The following FAM20C variants were observed in gnomAD, a reference collection of about 807,000 sequenced individuals.
FAM20C encodes extracellular serine/threonine protein kinase FAM20C.
Under a neutral mutation model 51.5 loss-of-function variants are expected in FAM20C, and 40 were observed. The observed-to-expected ratio is 0.78, with a 90% CI of 0.60 to 1.01. FAM20C has a LOEUF of 1.01. Among genes scored for constraint, FAM20C ranks in the 50% least tolerant of loss-of-function variants. FAM20C has a pLI of 0.00. For missense variants in FAM20C, 861 were observed against 844.7 expected (o/e 1.02, Z -0.24); for synonymous variants, 406 against 380.6 (o/e 1.07, Z -0.78).
intron 2 of FAM20C, among the ~76,000 whole-genome samples, chr7:197,740 ACCG>A: frequency 6.6e-6 from 1 of 152,110 alleles, no homozygotes; most frequent in East Asian, 1.9e-4. Flanking sequence ...CACCTCCCTC[ACCG>A]ACCGGTCAGC....
Position 246,366 on chromosome 7 carries a change from G to T in FAM20C, c.864-49G>T, listed in dbSNP as rs1339701997. 4.7e-6 allele frequency: 7 copies of T among 1,482,352 alleles called. No homozygotes were observed. In the South Asian group the frequency reaches 7.2e-5, roughly 15 times the overall value. 91.8% of individuals were successfully genotyped at this position (1,482,352 alleles called of 1,614,324 possible). A position where few individuals can be genotyped will look rare whatever the true frequency, so the allele number is the denominator to read the frequency against. On this transcript the variant is annotated intron_variant, in intron 3 of 9. Coordinates refer to ENST00000313766, the MANE Select transcript of FAM20C (RefSeq NM_020223.4). ...ACGTCCCGCCTGCCTCCGGCCCCTG[G>T]AGGCTTTCTCAGTGACAAACCGTTT... is the stretch of plus-strand genomic sequence containing the variant.
At chr7:193,934 A>G in intron 1 of FAM20C, 130 bp downstream of exon 1, 1 of 1,335,030 alleles carries the variant, frequency 7.5e-7, no homozygotes, top group Non-Finnish European at 9.8e-7. Context: ...GTGCGGGAGG[A>G]GGCAGCCGCC....
chr7:208,997 G>A (rs748989016), intron 3 of FAM20C, 21 bp downstream of exon 3: 1 of 1,566,382 alleles, frequency 6.4e-7, no homozygotes, highest in Non-Finnish European at 8.7e-7. Flanking sequence ...AGGCCTGTGG[G>A]CTGGGGCGTG....
At chr7:252,300 C>T (rs1788430563) in intron 5 of FAM20C, among the ~76,000 whole-genome samples, 1 of 145,372 alleles carries the variant, frequency 6.9e-6, no homozygotes, top group Non-Finnish European at 1.5e-5. Context: ...ACCCCCTCGG[C>T]CTCCCGACCA....
intron 3 of FAM20C, chr7:229,338 C>A (rs971412151): frequency 5.5e-6 from 1 of 180,866 alleles, no homozygotes; most frequent in African/African-American, 2.3e-5. Flanking sequence ...TCCGGTCCTT[C>A]CTGGGCCCTG....
At chr7:258,212 GACTGGGGTGCTGGAGATGGGTGGGGTGGA>G in intron 8 of FAM20C, among the ~76,000 whole-genome samples, 3 of 142,660 alleles carry the variant, frequency 2.1e-5, no homozygotes, top group Non-Finnish European at 3.0e-5. Flanking sequence ...TGGACCCACT[GACTGGGGTGCTGGAGATGGGTGGGGTGGA>G]CCCACTGCCT....
chr7:212,703 G>A lies in FAM20C; in HGVS notation c.863+3727G>A, dbSNP rs1027624073. On this transcript the variant is annotated intron_variant, in intron 3 of 9. Transcript: ENST00000313766. The stretch of plus-strand genomic sequence containing the variant: ...TTTAGGGTCTCCGTTTCTAATAGTC[G>A]CTGAAAAGCACGTAGCCGGCACATC... Among the ~76,000 whole-genome samples the A allele has an allele frequency of 5.9e-5, 9 of 152,298 alleles. No homozygotes were observed. The East Asian group carries it at 1.3e-3, about 23-fold the overall frequency.
At chr7:255,729 G>T in intron 5 of FAM20C, 120 bp from the exon 6 acceptor site, 1 of 1,060,940 alleles carries the variant, frequency 9.4e-7, no homozygotes, top group Non-Finnish European at 1.4e-6. Flanking sequence ...GGGAACTGTG[G>T]GTGAGTCCTG....
chr7:211,507 AG>A (rs149598392), intron 3 of FAM20C, among the ~76,000 whole-genome samples: 19,063 of 151,448 alleles, frequency 0.13, 1,515 homozygotes, highest in African/African-American at 0.22. Context: ...CTGACCTTAG[AG>A]GTCAGGGGAC....
In FAM20C at chr7:223,996, G is replaced by T. The variant is rs575733259; in HGVS notation, c.863+15020G>T. Among the ~76,000 whole-genome samples the T allele has an allele frequency of 2.2e-4, 33 of 152,214 alleles. 1 individual carries two copies. In the South Asian group the frequency reaches 6.4e-3, roughly 30 times the overall value. On this transcript the variant is annotated intron_variant, in intron 3 of 9. Transcript: ENST00000313766. ...CGTCCTGTGTCTGCCCCGGGCTCCC[G>T]GCCCGCCAGCACCATCACGGGGGTC...
At chr7:198,806 G>A (rs1786004578) in intron 2 of FAM20C, among the ~76,000 whole-genome samples, 1 of 152,184 alleles carries the variant, frequency 6.6e-6, no homozygotes, top group Non-Finnish European at 1.5e-5. Context: ...TGGGGTCTTT[G>A]TACAGCAGCA....
Position 193,361 on chromosome 7 carries a change from G to C in FAM20C, c.162G>C (p.Glu54Asp). ...PGCSCAQPAA[E>D]VAAPGWAQVR... ...GTTCGTGCGCGCAGCCCGCCGCCGA[G>C]GTGGCCGCGCCCGGCTGGGCCCAGG... The change falls in exon 1 of 10, where the codon GAG becomes GAC. Residue 54 changes from glutamate to aspartate, a missense_variant. By Grantham distance (45) the Glu-to-Asp change is conservative. Coordinates refer to ENST00000313766, the MANE Select transcript of FAM20C (RefSeq NM_020223.4). 7.9e-7 allele frequency: 1 copy of C among 1,267,736 alleles called. No homozygotes were observed. Among genetic ancestry groups the C allele is most frequent in the African/African-American group, 1.6e-5 (1 of 63,188 alleles). The allele number at this position is 1,267,736 out of a possible 1,614,324, so 78.5% of individuals were successfully genotyped here.
At position 195,676 on chromosome 7, in the gene FAM20C, A is replaced by T; in HGVS notation, c.728A>T (p.Asn243Ile). 6.2e-6 allele frequency: 10 copies of T among 1,610,386 alleles called. No individual in the cohort carries two copies. Among genetic ancestry groups the T allele is most frequent in the Non-Finnish European group, 8.5e-6 (10 of 1,178,326 alleles). ...INRYELYSRH[N>I]PAIEALLHDL... is the part of the protein sequence containing the mutation. ...CGGTACGAGCTGTACTCCAGACACA[A>T]CCCGGCCATCGAGGCCCTGCTGCAC... The change falls in exon 2 of 10, where the codon AAC (asparagine) becomes ATC (isoleucine). Residue 243 changes from asparagine to isoleucine, a missense_variant. Physicochemically the swap from Asn to Ile is moderately radical, Grantham distance 149. This residue lies in a region of FAM20C where 561 missense variants were observed against 499.8 expected (regional missense o/e 1.12). Transcript: ENST00000313766.
At chr7:205,272 C>T (rs890963485) in intron 2 of FAM20C, among the ~76,000 whole-genome samples, 121 of 134,828 alleles carry the variant, frequency 9.0e-4, no homozygotes, top group African/African-American at 3.8e-3. Flanking sequence ...CGTCAGCCTC[C>T]CGAGTAGCCG....
At chr7:213,880 G>A (rs1357820026) in intron 3 of FAM20C, among the ~76,000 whole-genome samples, 1 of 152,112 alleles carries the variant, frequency 6.6e-6, no homozygotes, top group African/African-American at 2.4e-5. Context: ...GGGGGGTTTT[G>A]TGGTGGTTTT....
chr7:231,130 C>T (rs1393630547), intron 3 of FAM20C, among the ~76,000 whole-genome samples: 2 of 152,074 alleles, frequency 1.3e-5, no homozygotes, highest in African/African-American at 4.8e-5. Context: ...CCCAGCAGGA[C>T]CCTCCCATCC....
chr7:227,607 C>T (rs986181171), intron 3 of FAM20C: 2 of 151,998 alleles, frequency 1.3e-5, no homozygotes, highest in Non-Finnish European at 2.9e-5. Flanking sequence ...GGAAGCATCA[C>T]AAGGGTTTCA....
At position 209,329 on chromosome 7, in the gene FAM20C, G is replaced by A. The variant is rs1342763911; in HGVS notation, c.863+353G>A. Among the ~76,000 whole-genome samples, 6 of 152,152 alleles carry A rather than the reference G, an allele frequency of 3.9e-5. No homozygotes were observed. In the East Asian group the frequency reaches 9.6e-4, roughly 24 times the overall value. On this transcript the variant is annotated intron_variant, in intron 3 of 9. Transcript: ENST00000313766. ...GTCCGCACCTTCCCAGCAGGCCTCC[G>A]GAGCCCGCACACCTTTGCTACAAAG...
At chr7:210,495 G>A (rs563830260) in intron 3 of FAM20C, among the ~76,000 whole-genome samples, 1 of 152,176 alleles carries the variant, frequency 6.6e-6, no homozygotes, top group African/African-American at 2.4e-5. Context: ...CCTTCCGCTG[G>A]CAGTAATGGG....
Sources: gnomAD v4.1 joint callset for allele counts (sites outside exome capture counted in the v4.1 genomes callset) on GRCh38, gnomAD v4.1.1 for gene constraint, gnomAD v4.1.1 regional missense constraint, MANE v1.5 for transcripts, NCBI Gene and HGNC (gene_info 2026-07-23, HGNC 2026-07-21) for gene names.